INPP4A: variants seen among roughly 807,000 people sequenced by gnomAD.
INPP4A encodes inositol polyphosphate-4-phosphatase type I A.
Under a neutral mutation model 119.8 loss-of-function variants are expected in INPP4A, and 33 were observed. That is an observed-to-expected ratio of 0.28 (90% CI 0.21 to 0.37). INPP4A has a LOEUF of 0.37. Ranked by LOEUF, INPP4A falls within the 10% of genes least tolerant of loss-of-function variation. The pLI, the probability that INPP4A is intolerant of heterozygous loss-of-function variation, is 1.00. For missense variants in INPP4A, 956 were observed against 1,289.9 expected (o/e 0.74, Z 3.97); for synonymous variants, 496 against 500.7 (o/e 0.99, Z 0.12).
chr2:98,472,749 C>T (rs1311247360), intron 1 of INPP4A, among the ~76,000 whole-genome samples: 3 of 152,246 alleles, frequency 2.0e-5, no homozygotes, highest in Admixed American at 6.5e-5. Flanking sequence ...CTGATATTCT[C>T]CTCTTACAGA....
In INPP4A at chr2:98,539,610, G is replaced by A. The variant is rs765686467; in HGVS notation, c.753G>A (p.Glu251=). The change falls in exon 10 of 25, where the codon GAG becomes GAA. Residue 251 remains glutamate, a synonymous_variant. Transcript: ENST00000409851. ...TGCGGATCCTGGAGCAGATGGCAGAGAGCGTGCTCTCCCTGCACGTGCCCC... is the reference window on the plus strand; with the variant it reads ...TGCGGATCCTGGAGCAGATGGCAGAAAGCGTGCTCTCCCTGCACGTGCCCC... The part of the protein sequence containing the change: ...NHLRILEQMA[E]SVLSLHVPRQ... 1 of 1,612,216 alleles carries A rather than the reference G, an allele frequency of 6.2e-7. No homozygotes were observed. Among genetic ancestry groups the A allele is most frequent in the African/African-American group, 1.3e-5 (1 of 74,766 alleles).
At chr2:98,452,953 G>C (rs1695485203) in intron 1 of INPP4A, among the ~76,000 whole-genome samples, 1 of 152,228 alleles carries the variant, frequency 6.6e-6, no homozygotes, top group Non-Finnish European at 1.5e-5. Flanking sequence ...GAGCAGTGCA[G>C]TTAGTAGGTG....
intron 1 of INPP4A, among the ~76,000 whole-genome samples, chr2:98,464,897 G>A (rs978728996): frequency 5.9e-5 from 9 of 152,232 alleles, no homozygotes; most frequent in South Asian, 4.1e-4. Context: ...CGATACACAC[G>A]AAGGAGCTTT....
At chr2:98,512,423 AC>A (rs1685290644) in intron 1 of INPP4A, among the ~76,000 whole-genome samples, 1 of 152,128 alleles carries the variant, frequency 6.6e-6, no homozygotes, top group Non-Finnish European at 1.5e-5. Flanking sequence ...ATTTTCTGCT[AC>A]TCCAACAACA....
rs1697267454 is a variant in INPP4A at position 98,570,612 on chromosome 2, C to T, written c.2518+1944C>T. 6.6e-6 allele frequency among the ~76,000 whole-genome samples: 1 copy of T among 152,000 alleles called. No homozygotes were observed. The highest frequency in any genetic ancestry group is 6.5e-5 in the Admixed American group (1 of 15,268). On this transcript the variant is annotated intron_variant, in intron 22 of 24. Coordinates refer to ENST00000409851, the MANE Select transcript of INPP4A (RefSeq NM_001134225.2). This position sits in a 1 kb window ranked among gnomAD's most constrained non-coding sequence, Gnocchi z 4.3. ...GGGACACACCCTGGAGCTGCAGGGGCCATGGGAGTGCTCAAAGGTCCGAGG... is the reference window on the plus strand; with the variant it reads ...GGGACACACCCTGGAGCTGCAGGGGTCATGGGAGTGCTCAAAGGTCCGAGG...
Position 98,566,190 on chromosome 2 carries a change from G to A in INPP4A, c.2420+21G>A. 1.3e-6 allele frequency: 2 copies of A among 1,561,412 alleles called. No individual in the cohort carries two copies. The highest frequency in any genetic ancestry group is 1.7e-6 in the Non-Finnish European group (2 of 1,149,688). On this transcript the variant is annotated intron_variant, in intron 21 of 24. Transcript: ENST00000409851. The surrounding 1 kb of genome is among the most constrained non-coding windows in gnomAD (Gnocchi z 4.2). ...GAGAGGTGCGTGCCGGCTCCTCGGG[G>A]CTGCGGGGGTGTGGTGGCCCTGGAG...
chr2:98,508,439 CTGAG>C (rs2105492741), intron 1 of INPP4A, among the ~76,000 whole-genome samples: 2 of 152,350 alleles, frequency 1.3e-5, no homozygotes, highest in African/African-American at 4.8e-5. Flanking sequence ...AGTAACAACT[CTGAG>C]TGAGTGATGA....
At chr2:98,460,465 A>T (rs550139542) in intron 1 of INPP4A, among the ~76,000 whole-genome samples, 13 of 152,248 alleles carry the variant, frequency 8.5e-5, no homozygotes, top group African/African-American at 2.9e-4. Context: ...TTGGGAATTC[A>T]TTCATCCCAC....
At position 98,593,981 on chromosome 2, in the gene INPP4A, C is replaced by T. The variant is rs1288350517; in HGVS notation, c.*6373C>T. ...GATTCTTTCATGCATGTCCTGTCCACTGTCAGTCCCCTCTGTATTCACAAG... is the reference window on the plus strand; with the variant it reads ...GATTCTTTCATGCATGTCCTGTCCATTGTCAGTCCCCTCTGTATTCACAAG... On this transcript the variant is annotated 3_prime_UTR_variant, in exon 25 of 25. Transcript: ENST00000409851. 6.6e-6 allele frequency: 1 copy of T among 152,112 alleles called. No homozygotes were observed. The highest frequency in any genetic ancestry group is 2.4e-5 in the African/African-American group (1 of 41,428). The allele number at this position is 152,112 out of a possible 1,614,324, so 9.4% of individuals were successfully genotyped here. A position where few individuals can be genotyped will look rare whatever the true frequency, so the allele number is the denominator to read the frequency against.
intron 1 of INPP4A, among the ~76,000 whole-genome samples, chr2:98,489,653 A>T (rs1404586972): frequency 6.6e-6 from 1 of 152,078 alleles, no homozygotes; most frequent in Admixed American, 6.5e-5. Flanking sequence ...TCCCATTCTG[A>T]GGGGAATTTG....
At chr2:98,545,159 C>G (rs1417196953) in intron 11 of INPP4A, among the ~76,000 whole-genome samples, 2 of 152,130 alleles carry the variant, frequency 1.3e-5, no homozygotes, top group East Asian at 3.8e-4. Flanking sequence ...TCTCCTATGG[C>G]AAATTGGAGA....
At chr2:98,453,675 C>A (rs1695603338) in intron 1 of INPP4A, among the ~76,000 whole-genome samples, 1 of 152,122 alleles carries the variant, frequency 6.6e-6, no homozygotes, top group African/African-American at 2.4e-5. Context: ...GATCAAGAAC[C>A]AATGACCTAA....
intron 1 of INPP4A, among the ~76,000 whole-genome samples, chr2:98,512,626 C>G (rs1685337827): frequency 6.6e-6 from 1 of 152,234 alleles, no homozygotes; most frequent in African/African-American, 2.4e-5. Flanking sequence ...CCACTCCCCT[C>G]ACTCCTACAG....
At chr2:98,517,303 A>G (rs1686332973) in intron 1 of INPP4A, among the ~76,000 whole-genome samples, 1 of 152,144 alleles carries the variant, frequency 6.6e-6, no homozygotes, top group African/African-American at 2.4e-5. Flanking sequence ...GCTACTGTGA[A>G]TGTTGCTGTT....
intron 1 of INPP4A, among the ~76,000 whole-genome samples, chr2:98,511,703 C>A (rs942276473): frequency 6.6e-6 from 1 of 152,090 alleles, no homozygotes; most frequent in African/African-American, 2.4e-5. Context: ...CAACAGTAGT[C>A]GTAACTTCAT....
Position 98,588,659 on chromosome 2 carries a change from TCTC to T in INPP4A, c.*1055_*1057del, listed in dbSNP as rs1487001922. On this transcript the variant is annotated 3_prime_UTR_variant, in exon 25 of 25. Coordinates refer to ENST00000409851, the MANE Select transcript of INPP4A (RefSeq NM_001134225.2). ...CTATTGAGAAACAGTTGAAATTTAT[TCTC>T]CTCAAATGAGATTTTGAAAGGGATT... 17 of 223,816 alleles carry T rather than the reference TCTC, an allele frequency of 7.6e-5. No individual in the cohort carries two copies. Among genetic ancestry groups the T allele is most frequent in the Non-Finnish European group, 1.2e-4 (14 of 112,264 alleles). 13.9% of individuals were successfully genotyped at this position (223,816 alleles called of 1,614,324 possible). A position where few individuals can be genotyped will look rare whatever the true frequency, so the allele number is the denominator to read the frequency against.
intron 1 of INPP4A, among the ~76,000 whole-genome samples, chr2:98,465,895 G>A (rs1294300781): frequency 2.6e-5 from 4 of 152,128 alleles, no homozygotes; most frequent in East Asian, 1.9e-4. Context: ...TCACTCTAGC[G>A]CCCTCCCCCT....
chr2:98,461,411 G>T (rs887754622), intron 1 of INPP4A, among the ~76,000 whole-genome samples: 2 of 152,208 alleles, frequency 1.3e-5, no homozygotes, highest in Non-Finnish European at 2.9e-5. Context: ...TCACCTGCAG[G>T]GGTGCCTGCC....
intron 23 of INPP4A, 54 bp from the exon 24 acceptor site, chr2:98,576,935 G>A: frequency 6.3e-6 from 10 of 1,577,180 alleles, no homozygotes; most frequent in Non-Finnish European, 8.7e-6. Context: ...TGTGAAGGGT[G>A]CTGCCTTTCT....
Sources: allele counts gnomAD v4.1 joint callset (sites outside exome capture counted in the v4.1 genomes callset), GRCh38; gene constraint gnomAD v4.1.1; non-coding constraint Gnocchi (gnomAD v3.1); transcripts MANE v1.5; gene names NCBI Gene and HGNC (gene_info 2026-07-23, HGNC 2026-07-21).